The following TASP1 variants were observed in gnomAD, a reference collection of about 807,000 sequenced individuals.
TASP1 encodes taspase 1.
TASP1 carries 16 observed loss-of-function variants against 56.6 expected under a neutral mutation model. The ratio of observed to expected loss-of-function variants is 0.28; its 90% CI spans 0.19 to 0.43. TASP1 has a LOEUF of 0.43. TASP1 is among the 20% of genes least tolerant of loss of function. TASP1 has a pLI of 1.00. For synonymous variants in TASP1, 179 were observed against 184.2 expected (o/e 0.97, Z 0.23); for missense variants, 393 against 511.6 (o/e 0.77, Z 2.24).
chr20:13,346,188 A>G, the TASP1 span, among the ~76,000 whole-genome samples: 4 of 152,208 alleles, frequency 2.6e-5, no homozygotes, highest in Admixed American at 1.3e-4. Context: ...ATTTCTAGAG[A>G]GTATTTAACT....
chr20:13,408,014 C>T (rs958288749), intron 13 of TASP1, among the ~76,000 whole-genome samples: 2 of 151,916 alleles, frequency 1.3e-5, no homozygotes, highest in African/African-American at 2.4e-5. Flanking sequence ...ATTTTGTGGG[C>T]TTTTTTTACT....
chr20:13,164,659 GTGTGTC>G, the TASP1 span: 1 of 861,570 alleles, frequency 1.2e-6, no homozygotes, highest in African/African-American at 1.7e-5. Flanking sequence ...AACTAAGACT[GTGTGTC>G]TTTGTGAGGC....
At chr20:13,561,552 A>T (rs2046344232) in intron 7 of TASP1, among the ~76,000 whole-genome samples, 1 of 152,062 alleles carries the variant, frequency 6.6e-6, no homozygotes, top group Non-Finnish European at 1.5e-5. Context: ...TTTTTAGTAA[A>T]GACAGGGTTT....
chr20:13,268,131 CTT>C, the TASP1 span, among the ~76,000 whole-genome samples: 3 of 149,948 alleles, frequency 2.0e-5, no homozygotes, highest in African/African-American at 7.4e-5. Context: ...CTTCTCTTCT[CTT>C]CTCTTCTCTT....
At chr20:13,398,983 C>T (rs2041643032) in intron 13 of TASP1, among the ~76,000 whole-genome samples, 1 of 152,174 alleles carries the variant, frequency 6.6e-6, no homozygotes, top group Admixed American at 6.5e-5. Context: ...ACCAAAACCC[C>T]TCTTTATCAA....
the TASP1 span, among the ~76,000 whole-genome samples, chr20:13,332,258 T>C: frequency 6.6e-6 from 1 of 152,118 alleles, no homozygotes; most frequent in Non-Finnish European, 1.5e-5. Flanking sequence ...CAGTGCAAAA[T>C]GAAAATGTGG....
the TASP1 span, among the ~76,000 whole-genome samples, chr20:13,208,791 G>A: frequency 6.6e-6 from 1 of 152,292 alleles, no homozygotes; most frequent in South Asian, 2.1e-4. Context: ...CCAGGTCCTG[G>A]GCCACAGGCC....
chr20:13,428,245 T>A (rs2042685191), intron 12 of TASP1, among the ~76,000 whole-genome samples: 1 of 152,180 alleles, frequency 6.6e-6, no homozygotes, highest in South Asian at 2.1e-4. Context: ...CATGTTTTGG[T>A]ACAAGGTGCA....
At chr20:13,426,599 C>T (rs1055916509) in intron 12 of TASP1, among the ~76,000 whole-genome samples, 1 of 152,104 alleles carries the variant, frequency 6.6e-6, no homozygotes, top group Non-Finnish European at 1.5e-5. Flanking sequence ...AACAAAGTGT[C>T]AGATTATAGA....
chr20:13,206,694 G>C, the TASP1 span, among the ~76,000 whole-genome samples: 1 of 152,014 alleles, frequency 6.6e-6, no homozygotes, highest in African/African-American at 2.4e-5. Context: ...AGTAGACAAG[G>C]GGAGAGAGAA....
At chr20:13,235,330 C>T in the TASP1 span, among the ~76,000 whole-genome samples, 2 of 152,210 alleles carry the variant, frequency 1.3e-5, no homozygotes, top group African/African-American at 4.8e-5. Context: ...TCACAAGATC[C>T]AACAGACTAG....
the TASP1 span, among the ~76,000 whole-genome samples, chr20:13,153,622 TG>T: frequency 6.6e-6 from 1 of 152,054 alleles, no homozygotes; most frequent in African/African-American, 2.4e-5. Context: ...CTATGAAGTG[TG>T]GGGGGTGGGG....
chr20:13,122,204 A>T, the TASP1 span, among the ~76,000 whole-genome samples: 8 of 152,200 alleles, frequency 5.3e-5, no homozygotes, highest in Admixed American at 3.3e-4. Context: ...TGGATTTTAA[A>T]AGAAGTGTAA....
intron 1 of TASP1, among the ~76,000 whole-genome samples, chr20:13,631,006 T>C (rs1288566563): frequency 6.6e-6 from 1 of 152,150 alleles, no homozygotes; most frequent in Admixed American, 6.5e-5. Flanking sequence ...CAAATTTGTT[T>C]GAATGTTTGG....
At chr20:13,299,232 A>C in the TASP1 span, 1 of 1,602,050 alleles carries the variant, frequency 6.2e-7, no homozygotes, top group Non-Finnish European at 8.5e-7. This position sits in a 1 kb window ranked among gnomAD's most constrained non-coding sequence, Gnocchi z 5.8. Context: ...CTACGGCGAC[A>C]ACATGCAGCT....
the TASP1 span, among the ~76,000 whole-genome samples, chr20:13,295,905 G>A: frequency 6.6e-6 from 1 of 152,318 alleles, no homozygotes. Flanking sequence ...TCCACAGCAG[G>A]TTCCCTTGTA....
chr20:13,375,366 G>C, the TASP1 span, among the ~76,000 whole-genome samples: 1 of 151,966 alleles, frequency 6.6e-6, no homozygotes, highest in Non-Finnish European at 1.5e-5. Context: ...AGCTTGCTGA[G>C]AATGATGATT....
the TASP1 span, among the ~76,000 whole-genome samples, chr20:13,185,740 A>C: frequency 6.6e-6 from 1 of 152,134 alleles, no homozygotes; most frequent in Non-Finnish European, 1.5e-5. Flanking sequence ...TGTCTCATAA[A>C]AGTCATGGCA....
intron 8 of TASP1, among the ~76,000 whole-genome samples, chr20:13,547,974 G>C (rs1344024716): frequency 6.6e-6 from 1 of 152,098 alleles, no homozygotes; most frequent in Non-Finnish European, 1.5e-5. Flanking sequence ...AATTGGAGCA[G>C]CACAATAGCT....
Sources: gnomAD v4.1 joint callset for allele counts (sites outside exome capture counted in the v4.1 genomes callset) on GRCh38, gnomAD v4.1.1 for gene constraint, Gnocchi (gnomAD v3.1) non-coding constraint, MANE v1.5 for transcripts, NCBI Gene and HGNC (gene_info 2026-07-23, HGNC 2026-07-21) for gene names.